FNDC7: variants seen among roughly 807,000 people sequenced by gnomAD.
The protein encoded by FNDC7 is fibronectin type III domain containing 7.
In FNDC7, 66 loss-of-function variants were observed where a neutral mutation model predicts 74.2. The ratio of observed to expected loss-of-function variants is 0.89; its 90% CI spans 0.73 to 1.09. The LOEUF (loss-of-function observed/expected upper bound fraction) is 1.09. FNDC7 is among the 50% of genes least tolerant of loss of function. The probability of loss-of-function intolerance (pLI) is 0.00; values close to 1 mark genes in which losing one functional copy is unlikely to be tolerated. For synonymous variants in FNDC7, 307 were observed against 330.2 expected, an observed-to-expected ratio of 0.93 and a Z score of 0.76; for missense variants, 829 against 893.4, an observed-to-expected ratio of 0.93 and a Z score of 0.92.
At chr1:108,729,957 C>A (rs1215136161) in intron 8 of FNDC7, among the ~76,000 whole-genome samples, 2 of 152,188 alleles carry the variant, frequency 1.3e-5, no homozygotes, top group Non-Finnish European at 2.9e-5. Flanking sequence ...GCTAAGAAAT[C>A]AAGCTTTTAT....
In FNDC7 at chr1:108,718,044, A is replaced by G. The variant is rs1156524747; in HGVS notation, c.337+13A>G. 1.3e-6 allele frequency: 2 copies of G among 1,550,478 alleles called. No individual in the cohort carries two copies. The highest frequency in any genetic ancestry group is 2.0e-5 in the Admixed American group (1 of 50,980). ...CAGGCAAAGACAGGTGGCTGGATGG[A>G]TGCTCATCCTCCGTTGAGTGTTTGC... On this transcript the variant is annotated intron_variant, in intron 3 of 12. Transcript: ENST00000370017.
chr1:108,718,707 A>C, intron 3 of FNDC7, 82 bp from the exon 4 acceptor site: 1 of 1,378,966 alleles, frequency 7.3e-7, no homozygotes, highest in Non-Finnish European at 9.9e-7. Flanking sequence ...TATATTATGG[A>C]TATCAATTTA....
At position 108,727,941 on chromosome 1, in the gene FNDC7, T is replaced by A; in HGVS notation, c.1245T>A (p.Asn415Lys). The A allele has an allele frequency of 2.5e-6, 4 of 1,614,164 alleles. No individual in the cohort carries two copies. The highest frequency in any genetic ancestry group is 3.4e-6 in the Non-Finnish European group (4 of 1,180,044). Residue 415 changes from asparagine (N) to lysine (K), a missense_variant, in exon 7 of 13, where the codon AAT (asparagine) becomes AAA (lysine). Coordinates refer to ENST00000370017, the MANE Select transcript of FNDC7 (RefSeq NM_001144937.3). ...ATGGGTACAACATGGTTGAGTGCAATGACACTACTCCTGCGTGCACCCTTT... is the reference window on the plus strand; with the variant it reads ...ATGGGTACAACATGGTTGAGTGCAAAGACACTACTCCTGCGTGCACCCTTT... The part of the protein sequence containing the change: ...AVDGYNMVEC[N>K]DTTPACTLSA...
intron 3 of FNDC7, among the ~76,000 whole-genome samples, chr1:108,718,536 T>C (rs545853845): frequency 1.3e-5 from 2 of 152,368 alleles, no homozygotes; most frequent in Admixed American, 6.5e-5. Flanking sequence ...AGGAATGTTT[T>C]ATCTAATTTC....
At chr1:108,738,927 A>G (rs1428265281) in intron 11 of FNDC7, among the ~76,000 whole-genome samples, 1 of 152,178 alleles carries the variant, frequency 6.6e-6, no homozygotes, top group Non-Finnish European at 1.5e-5. Context: ...CTCCCAAAGT[A>G]GTAGAGACCA....
rs554097048 is a variant in FNDC7 at position 108,728,686 on chromosome 1, A to G, written c.1424A>G (p.Asn475Ser). 5 of 1,614,116 alleles carry G rather than the reference A, an allele frequency of 3.1e-6. No individual in the cohort carries two copies. The Admixed American group carries it at 8.3e-5, about 27-fold the overall frequency. The change falls in exon 8 of 13, where the codon AAT (asparagine) becomes AGT (serine). Residue 475 changes from asparagine (N) to serine (S), a missense_variant. Transcript: ENST00000370017. The part of the protein sequence containing the change: ...NVSRDAFSMI[N>S]VHWRSTNDDA... ...TCAAGGGATGCATTCTCCATGATTAATGTGCACTGGCGATCCACTAATGAT... is the reference window on the plus strand; with the variant it reads ...TCAAGGGATGCATTCTCCATGATTAGTGTGCACTGGCGATCCACTAATGAT...
intron 3 of FNDC7, 112 bp downstream of exon 3, chr1:108,718,143 C>T (rs1570724472): frequency 7.3e-7 from 1 of 1,368,448 alleles, no homozygotes; most frequent in Non-Finnish European, 1.0e-6. Flanking sequence ...GCCTACAATT[C>T]AAGGCCCAGA....
chr1:108,726,706 T>A (rs1009724762), intron 6 of FNDC7, among the ~76,000 whole-genome samples: 15 of 152,240 alleles, frequency 9.9e-5, no homozygotes, highest in African/African-American at 3.4e-4. Flanking sequence ...GATCAGCATA[T>A]GGGAGATGCT....
chr1:108,741,482 G>A (rs1199683686), intron 11 of FNDC7, among the ~76,000 whole-genome samples: 1 of 152,200 alleles, frequency 6.6e-6, no homozygotes, highest in East Asian at 1.9e-4. Flanking sequence ...CAGCAAGTTG[G>A]CCTGGGGGTG....
In FNDC7 at chr1:108,742,541, G is replaced by A. The variant is rs887981366; in HGVS notation, c.*654G>A. 1 of 152,236 alleles carries A rather than the reference G, an allele frequency of 6.6e-6. No individual in the cohort carries two copies. The highest frequency in any genetic ancestry group is 2.4e-5 in the African/African-American group (1 of 41,456). 9.4% of individuals were successfully genotyped at this position (152,236 alleles called of 1,614,324 possible). On this transcript the variant is annotated 3_prime_UTR_variant, in exon 13 of 13. Coordinates refer to ENST00000370017, the MANE Select transcript of FNDC7 (RefSeq NM_001144937.3). ...TCTGGGAAAGCAGAGCTGCCAGCCT[G>A]TTGCTAGAAGGGTTGCAGTTATGCT...
chr1:108,714,377 A>T (rs1660930283), intron 2 of FNDC7, among the ~76,000 whole-genome samples: 1 of 152,178 alleles, frequency 6.6e-6, no homozygotes, highest in Non-Finnish European at 1.5e-5. Context: ...GTAAGTTTTT[A>T]AAAATTTCTA....
intron 3 of FNDC7, among the ~76,000 whole-genome samples, 200 bp downstream of exon 3, chr1:108,718,231 G>C (rs1028619767): frequency 6.6e-6 from 1 of 152,210 alleles, no homozygotes; most frequent in Non-Finnish European, 1.5e-5. Context: ...CAGCTGCTTT[G>C]CTTTGGAAAA....
chr1:108,722,854 T>C (rs1415934884), intron 5 of FNDC7, among the ~76,000 whole-genome samples: 1 of 152,258 alleles, frequency 6.6e-6, no homozygotes, highest in Non-Finnish European at 1.5e-5. Flanking sequence ...TTTTTTCTTT[T>C]TCCTTTGTAA....
At chr1:108,734,610 G>A (rs1207304680) in intron 10 of FNDC7, 1 of 152,210 alleles carries the variant, frequency 6.6e-6, no homozygotes, top group Non-Finnish European at 1.5e-5. Flanking sequence ...GGCCCTTGGT[G>A]ATGGAAGGAG....
rs768444184 is a variant in FNDC7 at position 108,722,354 on chromosome 1, C to T, written c.618C>T (p.Asn206=). 1.9e-4 allele frequency: 301 copies of T among 1,609,054 alleles called. No individual in the cohort carries two copies. Among genetic ancestry groups the T allele is most frequent in the Non-Finnish European group, 2.3e-4 (271 of 1,177,330 alleles). The change falls in exon 5 of 13, where the codon AAC becomes AAT. Residue 206 remains asparagine, a synonymous_variant. Coordinates refer to ENST00000370017, the MANE Select transcript of FNDC7 (RefSeq NM_001144937.3). The part of the protein sequence containing the change: ...NQRTSPRAPA[N]IQVSFDSGAL... The stretch of plus-strand genomic sequence containing the variant: ...ATGTAGGTCCTCGGGCCCCTGCCAA[C>T]ATTCAAGTCTCTTTCGATAGTGGAG...
Position 108,731,054 on chromosome 1 carries a change from CT to C in FNDC7, c.1879+129del, listed in dbSNP as rs1247172773. 17 of 1,149,808 alleles carry C rather than the reference CT, an allele frequency of 1.5e-5. No individual in the cohort carries two copies. The African/African-American group carries it at 2.7e-4, about 18-fold the overall frequency. 71.2% of individuals were successfully genotyped at this position (1,149,808 alleles called of 1,614,324 possible). Reference sequence around the variant, plus strand: ...TAGTTTGCATTATAAACTCAGATTACTTTCTAAAATGGTTATAGTTTCCCTT... The same window carrying C: ...TAGTTTGCATTATAAACTCAGATTACTTCTAAAATGGTTATAGTTTCCCTT... On this transcript the variant is annotated intron_variant, in intron 9 of 12. Transcript: ENST00000370017.
At chr1:108,739,526 A>G (rs1661588856) in intron 11 of FNDC7, among the ~76,000 whole-genome samples, 1 of 152,196 alleles carries the variant, frequency 6.6e-6, no homozygotes, top group African/African-American at 2.4e-5. Context: ...AGCTTTTTAG[A>G]AATGTACAGT....
intron 8 of FNDC7, among the ~76,000 whole-genome samples, chr1:108,730,075 G>T (rs1043986646): frequency 1.3e-5 from 2 of 152,168 alleles, no homozygotes; most frequent in African/African-American, 4.8e-5. Flanking sequence ...TTTGAAATTT[G>T]CAGTTAGAAT....
At chr1:108,724,935 G>A (rs992702547) in intron 5 of FNDC7, among the ~76,000 whole-genome samples, 2 of 151,704 alleles carry the variant, frequency 1.3e-5, no homozygotes, top group Non-Finnish European at 2.9e-5. Context: ...ACAAAAATTA[G>A]TTGGGCATGG....
Sources: allele counts gnomAD v4.1 joint callset (sites outside exome capture counted in the v4.1 genomes callset), GRCh38; gene constraint gnomAD v4.1.1; transcripts MANE v1.5; gene names NCBI Gene and HGNC (gene_info 2026-07-23, HGNC 2026-07-21).